The following ERC1 variants were observed in gnomAD, a reference collection of about 807,000 sequenced individuals.
The protein encoded by ERC1 is RAB6 interacting protein 2.
In ERC1, 56 loss-of-function variants were observed where a neutral mutation model predicts 132.0. That is an observed-to-expected ratio of 0.42 (90% confidence interval 0.34 to 0.53). The LOEUF is 0.53. Among genes scored for constraint, ERC1 ranks in the 20% least tolerant of loss-of-function variants. The pLI is 0.03. For synonymous variants in ERC1, 478 were observed against 476.1 expected (o/e 1.00, Z -0.05); for missense variants, 1,202 against 1,349.9 (o/e 0.89, Z 1.72).
At chr12:1,230,161 C>G (rs141617459) in intron 12 of ERC1, among the ~76,000 whole-genome samples, 1,911 of 152,164 alleles carry the variant, frequency 0.013, 10 homozygotes, top group Non-Finnish European at 0.02. Flanking sequence ...CATGTGCCAC[C>G]ACGCCTGGCT....
chr12:1,134,280 T>C (rs1246517561), intron 7 of ERC1, among the ~76,000 whole-genome samples: 1 of 152,064 alleles, frequency 6.6e-6, no homozygotes, highest in African/African-American at 2.4e-5. Context: ...AAAATACAGG[T>C]TTTTGAAATT....
intron 18 of ERC1, among the ~76,000 whole-genome samples, chr12:1,456,516 CCCTATGACCAAGAAGATATTAT>C (rs763919274): frequency 4.6e-5 from 7 of 152,078 alleles, no homozygotes; most frequent in Non-Finnish European, 7.4e-5. Context: ...ATTTGAGACA[CCCTATGACCAAGAAGATATTAT>C]TTCTAAATAT....
chr12:1,296,401 CTTTTTTTTT>C (rs57458560), intron 15 of ERC1, among the ~76,000 whole-genome samples: 8 of 76,206 alleles, frequency 1.0e-4, no homozygotes, highest in South Asian at 5.5e-4. Context: ...ATTGGATAGT[CTTTTTTTTT>C]TTTTTTTTTT....
At chr12:1,123,427 T>G (rs538841761) in intron 7 of ERC1, among the ~76,000 whole-genome samples, 3 of 152,028 alleles carry the variant, frequency 2.0e-5, no homozygotes, top group Non-Finnish European at 4.4e-5. Flanking sequence ...AATGAAAATA[T>G]AAATCTCAGT....
chr12:1,374,846 T>C (rs1228992302), intron 16 of ERC1, among the ~76,000 whole-genome samples: 1 of 123,204 alleles, frequency 8.1e-6, no homozygotes, highest in Non-Finnish European at 1.7e-5. Flanking sequence ...TTTTTTTTTT[T>C]CTGTTTTTAA....
chr12:1,158,437 A>AT (rs543003139), intron 8 of ERC1, among the ~76,000 whole-genome samples: 44 of 148,252 alleles, frequency 3.0e-4, no homozygotes, highest in South Asian at 1.5e-3. Context: ...TGTTTTATTT[A>AT]TTTTTTTTTT....
At chr12:1,092,406 T>C (rs1237422441) in intron 3 of ERC1, among the ~76,000 whole-genome samples, 1 of 152,230 alleles carries the variant, frequency 6.6e-6, no homozygotes. Flanking sequence ...AAAGCAGCAG[T>C]CCTGGTATAT....
chr12:1,303,018 TTG>T (rs901497356), intron 15 of ERC1, among the ~76,000 whole-genome samples: 1 of 152,114 alleles, frequency 6.6e-6, no homozygotes, highest in African/African-American at 2.4e-5. Flanking sequence ...TGCAGTAGCG[TTG>T]TGTCTTAAAA....
intron 14 of ERC1, among the ~76,000 whole-genome samples, chr12:1,269,416 G>A (rs1268228701): frequency 2.0e-5 from 3 of 152,184 alleles, no homozygotes; most frequent in Admixed American, 2.0e-4. Flanking sequence ...TGGTAATAAG[G>A]TGGAGAAGAG....
rs144404223 is a variant in ERC1, at chr12:1,240,966, C to T, written c.2487+4062C>T. Among the ~76,000 whole-genome samples, 899 of 152,214 alleles carry T rather than the reference C, an allele frequency of 5.9e-3. 13 individuals are homozygous for T. Among genetic ancestry groups the T allele is most frequent in the African/African-American group, 0.021 (866 of 41,532 alleles). On this transcript the variant is annotated intron_variant, in intron 13 of 18. Coordinates refer to ENST00000360905, the MANE Select transcript of ERC1 (RefSeq NM_178040.4). Reference sequence around the variant, plus strand: ...ATCCAGAGTTCAGTAGCTTTATACACGTTCCTCTTTTTCTGGACATTTCTT... The same window carrying T: ...ATCCAGAGTTCAGTAGCTTTATACATGTTCCTCTTTTTCTGGACATTTCTT...
At chr12:1,068,344 A>G (rs966614691) in intron 2 of ERC1, among the ~76,000 whole-genome samples, 1 of 151,576 alleles carries the variant, frequency 6.6e-6, no homozygotes, top group Non-Finnish European at 1.5e-5. Context: ...TAAGGTGCCA[A>G]AATTTTGATC....
At chr12:1,371,765 G>C (rs796662764) in intron 15 of ERC1, 68 bp from the exon 16 acceptor site, 1 of 1,484,454 alleles carries the variant, frequency 6.7e-7, no homozygotes, top group Non-Finnish European at 9.0e-7. Flanking sequence ...GGGGGTACTG[G>C]TAATAGTAAC....
At chr12:1,241,881 G>T (rs2075828691) in intron 13 of ERC1, among the ~76,000 whole-genome samples, 1 of 98,122 alleles carries the variant, frequency 1.0e-5, no homozygotes, top group Non-Finnish European at 1.9e-5. Context: ...TTTTGTGATG[G>T]AGTCTCTTGC....
intron 15 of ERC1, among the ~76,000 whole-genome samples, chr12:1,331,873 C>T (rs1222893308): frequency 6.6e-6 from 1 of 152,138 alleles, no homozygotes; most frequent in Non-Finnish European, 1.5e-5. Context: ...TAGATCTCTC[C>T]TTATAGTCAT....
intron 16 of ERC1, among the ~76,000 whole-genome samples, chr12:1,376,857 A>G (rs112002840): frequency 2.2e-4 from 33 of 152,200 alleles, no homozygotes; most frequent in African/African-American, 8.0e-4. Flanking sequence ...CAGAAACAAA[A>G]AAGAAACGGT....
At chr12:1,022,393 CAG>C (rs1966514584) in intron 1 of ERC1, among the ~76,000 whole-genome samples, 1 of 152,150 alleles carries the variant, frequency 6.6e-6, no homozygotes, top group South Asian at 2.1e-4. Flanking sequence ...GATTCTGGCT[CAG>C]GGTATGTAGT....
intron 8 of ERC1, among the ~76,000 whole-genome samples, chr12:1,167,646 G>GA: frequency 6.6e-6 from 1 of 150,788 alleles, no homozygotes; most frequent in East Asian, 1.9e-4. Flanking sequence ...TTTCAGATTA[G>GA]AAAAATCATG....
intron 13 of ERC1, among the ~76,000 whole-genome samples, chr12:1,250,700 A>G (rs1025949999): frequency 1.3e-5 from 2 of 152,194 alleles, no homozygotes; most frequent in African/African-American, 4.8e-5. Flanking sequence ...AGTTGAGAAT[A>G]TTAATTCTTT....
In ERC1 at chr12:1,110,273, A is replaced by G; in HGVS notation, c.1243A>G (p.Ser415Gly). 1 of 1,613,654 alleles carries G rather than the reference A, an allele frequency of 6.2e-7. No individual in the cohort carries two copies. ...GATGCTGAAATCGAATGGTGCTTTG[A>G]GTACTGAGGAAAGGGAAGAAGAAAT... Reference protein sequence around the residue: ...IQMLKSNGALSTEEREEEMKQ... With the variant: ...IQMLKSNGALGTEEREEEMKQ... Residue 415 changes from serine to glycine, a missense_variant, in exon 5 of 19, where the codon AGT (serine) becomes GGT (glycine). By Grantham distance (56) the Ser-to-Gly change is moderately conservative. Transcript: ENST00000360905.
Sources: gnomAD v4.1 joint callset for allele counts (sites outside exome capture counted in the v4.1 genomes callset) on GRCh38, gnomAD v4.1.1 for gene constraint, MANE v1.5 for transcripts, NCBI Gene and HGNC (gene_info 2026-07-23, HGNC 2026-07-21) for gene names.